CALN1: variants seen among roughly 807,000 people sequenced by gnomAD.
CALN1 encodes calcium-binding protein 8.
In CALN1, 17 loss-of-function variants were observed where a neutral mutation model predicts 30.6. The ratio of observed to expected loss-of-function variants is 0.56; its 90% CI spans 0.38 to 0.83. The LOEUF (loss-of-function observed/expected upper bound fraction) is 0.83. Ranked by LOEUF, CALN1 falls within the 40% of genes least tolerant of loss-of-function variation. The pLI is 0.00. For synonymous variants in CALN1, 156 were observed against 131.4 expected (o/e 1.19, Z -1.28); for missense variants, 291 against 354.9 (o/e 0.82, Z 1.45).
intron 5 of CALN1, among the ~76,000 whole-genome samples, chr7:72,001,447 C>G (rs1296731037): frequency 6.6e-6 from 1 of 152,178 alleles, no homozygotes; most frequent in Non-Finnish European, 1.5e-5. Context: ...GTGTACTGTA[C>G]ACTGTATACA....
At chr7:72,192,719 T>C (rs1790704435) in intron 3 of CALN1, among the ~76,000 whole-genome samples, 2 of 151,132 alleles carry the variant, frequency 1.3e-5, no homozygotes, top group South Asian at 4.2e-4. Flanking sequence ...AGGTTACATA[T>C]GTATACATGT....
chr7:71,933,231 G>A (rs1795654315), intron 5 of CALN1, among the ~76,000 whole-genome samples: 1 of 152,086 alleles, frequency 6.6e-6, no homozygotes. Context: ...CAGTTAAGTG[G>A]GAAACCCATT....
At chr7:72,106,040 A>C in intron 4 of CALN1, 111 bp downstream of exon 4, 1 of 1,402,452 alleles carries the variant, frequency 7.1e-7, no homozygotes, top group Non-Finnish European at 9.5e-7. Flanking sequence ...CTGCTTCTCA[A>C]ATGTAAACCA....
chr7:72,426,505 A>G (rs1435353747), intron 1 of CALN1, among the ~76,000 whole-genome samples: 1 of 152,188 alleles, frequency 6.6e-6, no homozygotes, highest in Non-Finnish European at 1.5e-5. Context: ...CATGAGTGTA[A>G]GTTTCCTGAG....
chr7:71,831,831 A>G (rs1008344347), intron 5 of CALN1, among the ~76,000 whole-genome samples: 20 of 126,286 alleles, frequency 1.6e-4, no homozygotes, highest in African/African-American at 5.7e-4. Flanking sequence ...GGTGGAGCAC[A>G]TTGCACTCCA....
At chr7:72,182,780 AC>A (rs748365338) in intron 3 of CALN1, among the ~76,000 whole-genome samples, 3,188 of 148,576 alleles carry the variant, frequency 0.021, 51 homozygotes, top group Non-Finnish European at 0.037. Flanking sequence ...AAAAAAAAAA[AC>A]AAACAAAAAT....
chr7:72,445,737 G>A (rs1808506381), intron 1 of CALN1, among the ~76,000 whole-genome samples: 2 of 152,162 alleles, frequency 1.3e-5, no homozygotes, highest in African/African-American at 4.8e-5. Context: ...CTGGGAAGCA[G>A]ACAGGCTGAC....
At chr7:72,148,507 G>A (rs1563099053) in intron 3 of CALN1, among the ~76,000 whole-genome samples, 1 of 152,188 alleles carries the variant, frequency 6.6e-6, no homozygotes, top group Non-Finnish European at 1.5e-5. Flanking sequence ...GTTGAGGCAG[G>A]AAGATTGCTT....
intron 5 of CALN1, among the ~76,000 whole-genome samples, chr7:71,869,682 C>A (rs1791806423): frequency 6.6e-6 from 1 of 152,120 alleles, no homozygotes; most frequent in South Asian, 2.1e-4. Flanking sequence ...ATCCTGTTAA[C>A]CTGGGATTAA....
In CALN1 at chr7:72,168,808, T is replaced by TTATTA. The variant is rs1254094822; in HGVS notation, c.245-62515_245-62514insTAATA. 2.7e-4 allele frequency among the ~76,000 whole-genome samples: 23 copies of TTATTA among 84,988 alleles called. 1 individual carries two copies. In the East Asian group the frequency reaches 0.013, roughly 49 times the overall value. 55.8% of individuals were successfully genotyped at this position (84,988 alleles called of 152,430 possible). A position where few individuals can be genotyped will look rare whatever the true frequency, so the allele number is the denominator to read the frequency against. Reference sequence around the variant, plus strand: ...CCTGCTTATTATTATTATTATTATTTTTTTTTTTTTTTTTGAGATGGAGTT... The same window carrying TTATTA: ...CCTGCTTATTATTATTATTATTATTTTATTATTTTTTTTTTTTTTGAGATGGAGTT... On this transcript the variant is annotated intron_variant, in intron 3 of 6. Coordinates refer to ENST00000395275, the MANE Select transcript of CALN1 (RefSeq NM_031468.4).
the CALN1 span, among the ~76,000 whole-genome samples, chr7:72,458,217 TA>T: frequency 2.5e-4 from 26 of 102,052 alleles, no homozygotes; most frequent in South Asian, 6.6e-3. Flanking sequence ...TATTTTATAA[TA>T]TATTATATAA....
At chr7:72,025,236 G>C (rs1483377509) in intron 4 of CALN1, among the ~76,000 whole-genome samples, 1 of 152,114 alleles carries the variant, frequency 6.6e-6, no homozygotes, top group South Asian at 2.1e-4. Context: ...CTTGAATCTG[G>C]GAGGCGGAGG....
In CALN1 at chr7:72,271,317, AAG is replaced by A. The variant is rs1263352959; in HGVS notation, c.244+7367_244+7368del. Among the ~76,000 whole-genome samples the A allele has an allele frequency of 3.3e-5, 5 of 152,100 alleles. No individual in the cohort carries two copies. The East Asian group carries it at 9.7e-4, about 30-fold the overall frequency. On this transcript the variant is annotated intron_variant, in intron 3 of 6. Transcript: ENST00000395275. ...CAACAAAAACCAACCCCAGGAGACAAAGAGTGTGCCTCATACTTCTTTAATCT... is the reference window on the plus strand; with the variant it reads ...CAACAAAAACCAACCCCAGGAGACAAAGTGTGCCTCATACTTCTTTAATCT...
chr7:72,305,883 C>T (rs1914398), intron 2 of CALN1, among the ~76,000 whole-genome samples: 2 of 152,004 alleles, frequency 1.3e-5, no homozygotes, highest in African/African-American at 2.4e-5. Flanking sequence ...CTCACATGGT[C>T]GGGGAGAGAC....
At chr7:72,252,915 A>G (rs1257693343) in intron 3 of CALN1, among the ~76,000 whole-genome samples, 1 of 152,182 alleles carries the variant, frequency 6.6e-6, no homozygotes. Context: ...CACTCAATCA[A>G]CATTTGTGAA....
intron 5 of CALN1, among the ~76,000 whole-genome samples, chr7:71,897,045 G>A (rs1041724074): frequency 2.6e-5 from 4 of 152,090 alleles, no homozygotes; most frequent in African/African-American, 7.2e-5. Flanking sequence ...TTATTGGAGG[G>A]TCATTTGCTA....
chr7:72,311,613 G>A (rs1478335779), intron 2 of CALN1, among the ~76,000 whole-genome samples: 1 of 150,576 alleles, frequency 6.6e-6, no homozygotes, highest in African/African-American at 2.5e-5. Context: ...CCAAGTAGCT[G>A]GGACTACAGG....
intron 2 of CALN1, among the ~76,000 whole-genome samples, chr7:72,283,211 T>C (rs1332450971): frequency 2.0e-5 from 3 of 151,962 alleles, no homozygotes; most frequent in African/African-American, 4.8e-5. Context: ...CTGAAGAGAA[T>C]AGTACTGTTG....
chr7:72,068,603 T>C (rs1453896734), intron 4 of CALN1, among the ~76,000 whole-genome samples: 1 of 152,188 alleles, frequency 6.6e-6, no homozygotes, highest in African/African-American at 2.4e-5. Flanking sequence ...TTCTCCTGTC[T>C]CAGCCTCTCA....
Sources: gnomAD v4.1 joint callset for allele counts (sites outside exome capture counted in the v4.1 genomes callset) on GRCh38, gnomAD v4.1.1 for gene constraint, MANE v1.5 for transcripts, NCBI Gene and HGNC (gene_info 2026-07-23, HGNC 2026-07-21) for gene names.